The following ZFHX3 variants were observed in gnomAD, a reference collection of about 807,000 sequenced individuals.
ZFHX3 encodes the protein zinc finger homeobox 3.
Under a neutral mutation model 279.1 loss-of-function variants are expected in ZFHX3, and 42 were observed. The observed-to-expected ratio is 0.15, with a 90% confidence interval of 0.12 to 0.19. The LOEUF (loss-of-function observed/expected upper bound fraction) is 0.19. ZFHX3 is among the 10% of genes least tolerant of loss of function. The pLI is 1.00. For synonymous variants in ZFHX3, 2,293 were observed against 1,957.8 expected (o/e 1.17, Z -4.52); for missense variants, 4,981 against 4,754.0 (o/e 1.05, Z -1.40).
At chr16:73,155,663 A>G (rs1967060050) in intron 5 of ZFHX3, among the ~76,000 whole-genome samples, 1 of 152,104 alleles carries the variant, frequency 6.6e-6, no homozygotes, top group Admixed American at 6.5e-5. Context: ...TCTCTACTAA[A>G]AATTAAAAAA....
At chr16:73,157,161 T>C (rs1400286121) in intron 5 of ZFHX3, among the ~76,000 whole-genome samples, 1 of 152,174 alleles carries the variant, frequency 6.6e-6, no homozygotes, top group Non-Finnish European at 1.5e-5. Flanking sequence ...TGTGGTCATT[T>C]GAAGGCCCCA....
At chr16:73,689,938 G>A (rs773783831) in intron 1 of ZFHX3, among the ~76,000 whole-genome samples, 20 of 151,816 alleles carry the variant, frequency 1.3e-4, no homozygotes, top group Non-Finnish European at 1.8e-4. Flanking sequence ...TCTTGCCTCA[G>A]CCTCCTGAGT....
intron 1 of ZFHX3, among the ~76,000 whole-genome samples, chr16:73,011,238 C>T (rs1252028057): frequency 1.3e-5 from 2 of 152,118 alleles, no homozygotes; most frequent in Non-Finnish European, 2.9e-5. Flanking sequence ...CCTGCCTCAG[C>T]CTCCCAATGT....
intron 4 of ZFHX3, among the ~76,000 whole-genome samples, chr16:73,312,428 A>G (rs1408380784): frequency 6.6e-6 from 1 of 152,226 alleles, no homozygotes; most frequent in African/African-American, 2.4e-5. Flanking sequence ...GAGTTGTCCA[A>G]AAATAGAGTG....
At chr16:73,420,878 T>C (rs1159234665) in intron 3 of ZFHX3, 13 of 152,232 alleles carry the variant, frequency 8.5e-5, no homozygotes, top group Admixed American at 6.5e-4. Flanking sequence ...TTTACTCAGA[T>C]TTAATGCCAG....
intron 7 of ZFHX3, among the ~76,000 whole-genome samples, chr16:73,124,270 C>T (rs1467021668): frequency 2.0e-5 from 3 of 152,096 alleles, no homozygotes; most frequent in Non-Finnish European, 4.4e-5. Context: ...GACGGCAGAT[C>T]TGCTGTCCGG....
chr16:73,709,437 A>T (rs149858798), intron 1 of ZFHX3, among the ~76,000 whole-genome samples: 1 of 152,142 alleles, frequency 6.6e-6, no homozygotes, highest in African/African-American at 2.4e-5. Flanking sequence ...ACGACAGAAC[A>T]CTATCCAGCC....
At chr16:73,399,415 C>T (rs957907531) in intron 3 of ZFHX3, among the ~76,000 whole-genome samples, 10 of 152,126 alleles carry the variant, frequency 6.6e-5, no homozygotes, top group Non-Finnish European at 1.3e-4. Flanking sequence ...CCTGGATATT[C>T]GAGACATCTC....
chr16:73,243,474 T>TTG (rs1409941287), intron 5 of ZFHX3, among the ~76,000 whole-genome samples: 1 of 152,214 alleles, frequency 6.6e-6, no homozygotes, highest in Non-Finnish European at 1.5e-5. Context: ...AATATCCTCC[T>TTG]TGTGAAAGAT....
At chr16:73,421,530 G>A (rs1472731475) in intron 3 of ZFHX3, 1 of 152,172 alleles carries the variant, frequency 6.6e-6, no homozygotes, top group Non-Finnish European at 1.5e-5. Context: ...TTCATTTATA[G>A]TCATCGTCTA....
At chr16:73,184,269 TAC>T (rs1396495207) in intron 5 of ZFHX3, among the ~76,000 whole-genome samples, 1 of 152,196 alleles carries the variant, frequency 6.6e-6, no homozygotes, top group Non-Finnish European at 1.5e-5. Context: ...CCCACACCTC[TAC>T]TTTCAGAGTG....
rs550647159 is a variant in ZFHX3, at chr16:73,367,631, A to G, written c.-1290-49295T>C. Among the ~76,000 whole-genome samples, 5 of 152,306 alleles carry G rather than the reference A, an allele frequency of 3.3e-5. 1 individual carries two copies. In the East Asian group the frequency reaches 7.7e-4, roughly 24 times the overall value. On this transcript the variant is annotated intron_variant, in intron 3 of 17. Transcript: ENST00000641206. ...GTGGCTGTGGGTGTGGAAAGAATGAAAGGGACTTAAGGATTACAGGTGCTG... is the reference window on the plus strand; with the variant it reads ...GTGGCTGTGGGTGTGGAAAGAATGAGAGGGACTTAAGGATTACAGGTGCTG...
rs2052888748 is a variant in ZFHX3, at chr16:73,670,141, C to G, written c.-1547+10039G>C. 3.3e-5 allele frequency among the ~76,000 whole-genome samples: 5 copies of G among 152,306 alleles called. No homozygotes were observed. In the South Asian group the frequency reaches 1.0e-3, roughly 32 times the overall value. On this transcript the variant is annotated intron_variant, in intron 2 of 17. Coordinates refer to the ZFHX3 transcript ENST00000641206. ...TCCCTCGCAGACCAACACTGCACTG[C>G]TAAATATGTTTTCCTGAGAAGTATC...
intron 2 of ZFHX3, among the ~76,000 whole-genome samples, chr16:73,486,134 G>T (rs1383258566): frequency 6.6e-6 from 1 of 152,222 alleles, no homozygotes; most frequent in African/African-American, 2.4e-5. Context: ...GGGAACATAA[G>T]GCTGATTCAT....
At position 73,877,295 on chromosome 16, in the gene ZFHX3, T is replaced by C. The variant is rs527777506; in HGVS notation, c.-1608+14356A>G. On this transcript the variant is annotated intron_variant, in intron 1 of 17. Transcript: ENST00000641206. The stretch of plus-strand genomic sequence containing the variant: ...TCTTTCCTGCCACAAATGAGGACAA[T>C]CAGACCAGACACCCATTAGATTCTT... Among the ~76,000 whole-genome samples the C allele has an allele frequency of 5.3e-5, 8 of 151,868 alleles. No individual in the cohort carries two copies. The South Asian group carries it at 1.7e-3, about 32-fold the overall frequency.
intron 1 of ZFHX3, among the ~76,000 whole-genome samples, chr16:73,016,210 T>C (rs538467007): frequency 6.6e-6 from 1 of 152,344 alleles, no homozygotes; most frequent in South Asian, 2.1e-4. Flanking sequence ...TGCATGTTTG[T>C]TGCCACTTCC....
At chr16:73,473,371 A>AAAAAAAC (rs2018709703) in intron 2 of ZFHX3, among the ~76,000 whole-genome samples, 9 of 150,712 alleles carry the variant, frequency 6.0e-5, no homozygotes, top group African/African-American at 2.2e-4. Flanking sequence ...AAAAAAAAAA[A>AAAAAAAC]ACAAAATAAT....
At chr16:73,152,774 A>G (rs1480509913) in intron 5 of ZFHX3, among the ~76,000 whole-genome samples, 1 of 149,450 alleles carries the variant, frequency 6.7e-6, no homozygotes, top group East Asian at 2.0e-4. Context: ...AAAAAAAAAA[A>G]AAGCCCTGGC....
intron 2 of ZFHX3, chr16:73,483,513 A>T: frequency 2.6e-6 from 1 of 388,338 alleles, no homozygotes; most frequent in Non-Finnish European, 5.0e-6. Flanking sequence ...CTGAACAAAT[A>T]GGCCACGTAG....
Sources: allele counts gnomAD v4.1 joint callset (sites outside exome capture counted in the v4.1 genomes callset), GRCh38; gene constraint gnomAD v4.1.1; transcripts MANE v1.5; gene names NCBI Gene and HGNC (gene_info 2026-07-23, HGNC 2026-07-21).